The following PHF21B variants were observed in gnomAD, a reference collection of about 807,000 sequenced individuals.
PHF21B encodes the protein PHD finger protein 4.
In PHF21B, 22 loss-of-function variants were observed where a neutral mutation model predicts 62.2. The observed-to-expected ratio is 0.35, with a 90% CI of 0.25 to 0.51. The LOEUF is 0.51. Among genes scored for constraint, PHF21B ranks in the 20% least tolerant of loss-of-function variants. The pLI is 0.97. For synonymous variants in PHF21B, 341 were observed against 314.7 expected, an observed-to-expected ratio of 1.08 and a Z score of -0.88; for missense variants, 701 against 707.9, an observed-to-expected ratio of 0.99 and a Z score of 0.11.
intron 2 of PHF21B, among the ~76,000 whole-genome samples, chr22:44,941,819 ACCTGC>A (rs1295567452): frequency 2.0e-5 from 3 of 152,082 alleles, no homozygotes; most frequent in African/African-American, 7.2e-5. Context: ...TGGGGGGGCC[ACCTGC>A]CATTGATTCA....
Position 45,002,584 on chromosome 22 carries a change from C to T in PHF21B, c.120+5961G>A, listed in dbSNP as rs1286269975. ...ATGGGGCCTGTCAAGAGGCTCCCCA[C>T]GCAGGTGACAAACACCTAAGTATCT... On this transcript the variant is annotated intron_variant, in intron 2 of 12. Coordinates refer to ENST00000313237, the MANE Select transcript of PHF21B (RefSeq NM_138415.5). 4.6e-5 allele frequency among the ~76,000 whole-genome samples: 7 copies of T among 152,358 alleles called. No homozygotes were observed. The East Asian group carries it at 9.6e-4, about 21-fold the overall frequency.
At chr22:44,970,044 AG>A (rs2072607717) in intron 2 of PHF21B, among the ~76,000 whole-genome samples, 1 of 152,246 alleles carries the variant, frequency 6.6e-6, no homozygotes, top group Non-Finnish European at 1.5e-5. Flanking sequence ...TGGTCAACCA[AG>A]ATCACAGCTC....
intron 2 of PHF21B, among the ~76,000 whole-genome samples, chr22:45,007,274 C>CT (rs2073334281): frequency 6.6e-6 from 1 of 151,940 alleles, no homozygotes; most frequent in African/African-American, 2.4e-5. Flanking sequence ...CACTTTTTAA[C>CT]TTTAAAGACT....
At chr22:44,895,696 C>T (rs963947559) in intron 6 of PHF21B, among the ~76,000 whole-genome samples, 26 of 152,216 alleles carry the variant, frequency 1.7e-4, no homozygotes, top group Admixed American at 1.6e-3. Context: ...AGGGAGCCCA[C>T]ACGGTCCCTC....
intron 2 of PHF21B, among the ~76,000 whole-genome samples, chr22:44,977,602 G>A (rs938018680): frequency 3.3e-5 from 5 of 151,758 alleles, no homozygotes; most frequent in Admixed American, 3.3e-4. Context: ...TTTTTGGGAT[G>A]GGATCTTGCT....
intron 2 of PHF21B, among the ~76,000 whole-genome samples, chr22:44,937,815 G>A (rs1056009844): frequency 3.9e-5 from 6 of 152,258 alleles, no homozygotes; most frequent in African/African-American, 7.2e-5. Flanking sequence ...TGCGTGGAAC[G>A]AAGGGAGCCC....
chr22:44,908,081 C>T (rs902387119), intron 5 of PHF21B, among the ~76,000 whole-genome samples: 14 of 152,196 alleles, frequency 9.2e-5, no homozygotes, highest in African/African-American at 9.7e-5. Context: ...CCCAAAGTAT[C>T]GGGCAGCCTC....
intron 2 of PHF21B, among the ~76,000 whole-genome samples, chr22:44,968,815 G>T (rs1170722873): frequency 1.3e-5 from 2 of 152,146 alleles, no homozygotes; most frequent in African/African-American, 4.8e-5. Flanking sequence ...ACTACTCAAA[G>T]TGTCAGGTTT....
At chr22:44,884,569 T>TCAC (rs1555929163) in intron 12 of PHF21B, among the ~76,000 whole-genome samples, 49,248 of 146,948 alleles carry the variant, frequency 0.34, 9,112 homozygotes, top group East Asian at 0.63. Context: ...ATCGCCATTA[T>TCAC]CACCATCACT....
At chr22:44,935,631 CAA>C (rs136693) in intron 2 of PHF21B, among the ~76,000 whole-genome samples, 27 of 150,524 alleles carry the variant, frequency 1.8e-4, no homozygotes, top group African/African-American at 6.4e-4. Flanking sequence ...AACAAACAAA[CAA>C]AAAAAAAACA....
chr22:44,944,258 C>G (rs2072019987), intron 2 of PHF21B, among the ~76,000 whole-genome samples: 1 of 152,198 alleles, frequency 6.6e-6, no homozygotes, highest in Non-Finnish European at 1.5e-5. Flanking sequence ...CACGTCCTTT[C>G]AAGGGAATTC....
At chr22:44,957,241 C>G (rs1166240603) in intron 2 of PHF21B, among the ~76,000 whole-genome samples, 1 of 152,258 alleles carries the variant, frequency 6.6e-6, no homozygotes, top group Non-Finnish European at 1.5e-5. Flanking sequence ...GCTCACCCAG[C>G]CTCAGAGGGT....
intron 2 of PHF21B, among the ~76,000 whole-genome samples, chr22:44,983,637 A>C (rs1000835655): frequency 6.6e-6 from 1 of 152,230 alleles, no homozygotes; most frequent in Non-Finnish European, 1.5e-5. Context: ...TTTAAAAGAC[A>C]TAAGTTTGAA....
In PHF21B at chr22:44,913,683, T is replaced by A. The variant is rs866988378; in HGVS notation, c.831+139A>T. On this transcript the variant is annotated intron_variant, in intron 5 of 12. Coordinates refer to ENST00000313237, the MANE Select transcript of PHF21B (RefSeq NM_138415.5). ...CTTGCTTGGCGAGGCCCCATCCTGG[T>A]CGCCGACTGCACAGGGCAGCTGTGC... is the stretch of plus-strand genomic sequence containing the variant. The A allele has an allele frequency of 6.5e-5, 82 of 1,257,010 alleles. No individual in the cohort carries two copies. The South Asian group carries it at 1.3e-3, about 20-fold the overall frequency. The allele number at this position is 1,257,010 out of a possible 1,614,324, so 77.9% of individuals were successfully genotyped here.
chr22:45,005,434 A>T lies in PHF21B; in HGVS notation c.120+3111T>A, dbSNP rs951313738. Among the ~76,000 whole-genome samples, 8 of 152,278 alleles carry T rather than the reference A, an allele frequency of 5.3e-5. 1 individual carries two copies. ...GTCCTATGTAAACTCACTTCCTGTT[A>T]ATTCCCTAGTCTCCGAATGGTAGGA... On this transcript the variant is annotated intron_variant, in intron 2 of 12. Coordinates refer to ENST00000313237, the MANE Select transcript of PHF21B (RefSeq NM_138415.5).
chr22:44,890,653 CT>C (rs1432126381), intron 8 of PHF21B, among the ~76,000 whole-genome samples: 1 of 152,260 alleles, frequency 6.6e-6, no homozygotes, highest in Non-Finnish European at 1.5e-5. Flanking sequence ...CTGAAGAGAA[CT>C]GGCAGCTTCC....
intron 2 of PHF21B, among the ~76,000 whole-genome samples, chr22:44,921,260 C>T (rs1258796045): frequency 6.6e-6 from 1 of 152,202 alleles, no homozygotes; most frequent in African/African-American, 2.4e-5. Context: ...TCCAGGCCCA[C>T]ACGCGTACAG....
intron 2 of PHF21B, among the ~76,000 whole-genome samples, chr22:44,974,515 C>A (rs2072700965): frequency 6.6e-6 from 1 of 152,150 alleles, no homozygotes; most frequent in Non-Finnish European, 1.5e-5. Flanking sequence ...GACATACCCA[C>A]ATGTGTTGGT....
intron 2 of PHF21B, among the ~76,000 whole-genome samples, chr22:44,941,225 G>A (rs2071950037): frequency 6.6e-6 from 1 of 152,166 alleles, no homozygotes; most frequent in Non-Finnish European, 1.5e-5. Flanking sequence ...TTCCCAGTCA[G>A]CAACACCCAG....
Sources: allele counts gnomAD v4.1 joint callset (sites outside exome capture counted in the v4.1 genomes callset), GRCh38; gene constraint gnomAD v4.1.1; transcripts MANE v1.5; gene names NCBI Gene and HGNC (gene_info 2026-07-23, HGNC 2026-07-21).